The following UTP6 variants were observed in gnomAD, a reference collection of about 807,000 sequenced individuals.
The protein encoded by UTP6 is U3 small nucleolar RNA-associated protein 6 homolog.
UTP6 carries 60 observed loss-of-function variants against 96.5 expected under a neutral mutation model. The ratio of observed to expected loss-of-function variants is 0.62; its 90% CI spans 0.51 to 0.77. The LOEUF is 0.77. Ranked by LOEUF, UTP6 falls within the 30% of genes least tolerant of loss-of-function variation. The probability of loss-of-function intolerance (pLI) is 0.00; values close to 1 mark genes in which losing one functional copy is unlikely to be tolerated. For synonymous variants in UTP6, 215 were observed against 240.1 expected, an observed-to-expected ratio of 0.90 and a Z score of 0.96; for missense variants, 637 against 706.5, an observed-to-expected ratio of 0.90 and a Z score of 1.12.
intron 10 of UTP6, 75 bp downstream of exon 10, chr17:31,884,349 C>A: frequency 8.1e-7 from 1 of 1,229,222 alleles, no homozygotes; most frequent in South Asian, 1.5e-5. Context: ...TTCTCTTCTA[C>A]TAAATATCCA....
At position 31,878,772 on chromosome 17, in the gene UTP6, C is replaced by T. The variant is rs2142302552; in HGVS notation, c.977G>A (p.Trp326Ter). 1 of 1,614,062 alleles carries T rather than the reference C, an allele frequency of 6.2e-7. No individual in the cohort carries two copies. The highest frequency in any genetic ancestry group is 8.5e-7 in the Non-Finnish European group (1 of 1,179,984). The change falls in exon 12 of 19, where the codon TGG (tryptophan) becomes TAG (stop). Residue 326 changes from tryptophan to a stop codon, truncating the protein, a stop_gained. Coordinates refer to ENST00000261708, the MANE Select transcript of UTP6 (RefSeq NM_018428.3). LOFTEE classifies it high-confidence loss of function. ...AVKTLPTEAM[W>*]KCYITFCLER... ...CAAGCAAAAGGTGATGTAACACTTC[C>T]ACATGGCCTCTGGAAAAGTCAGAAA...
intron 13 of UTP6, among the ~76,000 whole-genome samples, chr17:31,877,197 T>A (rs1910547303): frequency 6.6e-6 from 1 of 152,124 alleles, no homozygotes; most frequent in Non-Finnish European, 1.5e-5. Context: ...ATTTGGGACT[T>A]CTACATTAAC....
chr17:31,874,583 T>C (rs1326157106), intron 14 of UTP6, among the ~76,000 whole-genome samples: 2 of 151,646 alleles, frequency 1.3e-5, no homozygotes, highest in East Asian at 2.0e-4. Flanking sequence ...CAGTAGTTTT[T>C]TTCCTACTTT....
chr17:31,884,347 T>C, intron 10 of UTP6, 77 bp downstream of exon 10: 1 of 1,191,856 alleles, frequency 8.4e-7, no homozygotes, highest in Non-Finnish European at 1.2e-6. Flanking sequence ...CTTTCTCTTC[T>C]ACTAAATATC....
At chr17:31,896,615 T>C (rs1395347394) in intron 2 of UTP6, among the ~76,000 whole-genome samples, 6 of 151,910 alleles carry the variant, frequency 3.9e-5, no homozygotes, top group South Asian at 4.1e-4. Flanking sequence ...TTTCACATTA[T>C]TTGTAGTGTC....
rs998505712 is a variant in UTP6 at position 31,875,291 on chromosome 17, T to A, written c.1248A>T (p.Ser416=). The change falls in exon 14 of 19, where the codon TCA becomes TCT. Residue 416 remains serine (S), a synonymous_variant. Coordinates refer to ENST00000261708, the MANE Select transcript of UTP6 (RefSeq NM_018428.3). The stretch of plus-strand genomic sequence containing the variant: ...AAAGCATGGCTATGTCAGGGCTCTT[T>A]GACTCGATCAGCACCTGCAGCTTCA... The part of the protein sequence containing the change: ...WQLKLQVLIE[S]KSPDIAMLFE... 2 of 1,614,168 alleles carry A rather than the reference T, an allele frequency of 1.2e-6. No individual in the cohort carries two copies. The highest frequency in any genetic ancestry group is 1.7e-6 in the Non-Finnish European group (2 of 1,180,040).
chr17:31,894,876 T>G, intron 3 of UTP6, 94 bp downstream of exon 3: 1 of 1,325,246 alleles, frequency 7.5e-7, no homozygotes, highest in Non-Finnish European at 1.1e-6. Context: ...ACCACAGTTT[T>G]ATCAACACTG....
chr17:31,878,452 G>A, intron 12 of UTP6, 125 bp from the exon 13 acceptor site: 1 of 968,944 alleles, frequency 1.0e-6, no homozygotes, highest in Non-Finnish European at 1.6e-6. Flanking sequence ...CTCCTGCATG[G>A]TGGTTTCACT....
intron 7 of UTP6, among the ~76,000 whole-genome samples, chr17:31,888,823 G>A (rs1911298176): frequency 6.6e-6 from 1 of 152,204 alleles, no homozygotes; most frequent in African/African-American, 2.4e-5. Flanking sequence ...TGTAATCCCA[G>A]CACTTTGGGA....
At chr17:31,866,128 A>G (rs1909797591) in intron 17 of UTP6, among the ~76,000 whole-genome samples, 1 of 151,940 alleles carries the variant, frequency 6.6e-6, no homozygotes, top group South Asian at 2.1e-4. Context: ...TCTACTGAAA[A>G]TACAAAAAAT....
chr17:31,877,562 T>C (rs757754841), intron 13 of UTP6, among the ~76,000 whole-genome samples: 2 of 152,200 alleles, frequency 1.3e-5, no homozygotes, highest in Non-Finnish European at 2.9e-5. Flanking sequence ...CCAGGAGCAG[T>C]GGATCATGCC....
At chr17:31,896,870 A>G (rs1000813153) in intron 2 of UTP6, among the ~76,000 whole-genome samples, 3 of 152,024 alleles carry the variant, frequency 2.0e-5, no homozygotes, top group African/African-American at 7.2e-5. Flanking sequence ...TCCTGGGCTC[A>G]AGCGATCTGC....
rs1909640285 is a variant in UTP6, at chr17:31,863,475, G to C, written c.1678C>G (p.Leu560Val). ...TGTCCACAGTTCTCAGGTCTACCAA[G>C]GGGGTGGTTCAATTCTTCTTTCATA... ...DYMKEELNHP[L>V]GRPENCGQIY... The change falls in exon 19 of 19, where the codon CTT becomes GTT. Residue 560 changes from leucine to valine, a missense_variant. Transcript: ENST00000261708. 4 of 1,613,334 alleles carry C rather than the reference G, an allele frequency of 2.5e-6. No individual in the cohort carries two copies. The highest frequency in any genetic ancestry group is 1.3e-5 in the African/African-American group (1 of 74,854).
chr17:31,861,591 G>C lies in UTP6; in HGVS notation c.*1768C>G, dbSNP rs1466912002. ...GATCACACCACTGCACTCTAGCCTAGGTGACAAAGCAAGAACTTGTCCAAT... is the reference window on the plus strand; with the variant it reads ...GATCACACCACTGCACTCTAGCCTACGTGACAAAGCAAGAACTTGTCCAAT... On this transcript the variant is annotated 3_prime_UTR_variant, in exon 19 of 19. Coordinates refer to ENST00000261708, the MANE Select transcript of UTP6 (RefSeq NM_018428.3). The C allele has an allele frequency of 6.6e-6, 1 of 151,848 alleles. No individual in the cohort carries two copies. Among genetic ancestry groups the C allele is most frequent in the Non-Finnish European group, 1.5e-5 (1 of 67,998 alleles). 9.4% of individuals were successfully genotyped at this position (151,848 alleles called of 1,614,324 possible).
chr17:31,880,658 C>T lies in UTP6; in HGVS notation c.882G>A (p.Thr294=), dbSNP rs1224723169. Residue 294 remains threonine, a synonymous_variant, in exon 11 of 19, where the codon ACG becomes ACA. Coordinates refer to ENST00000261708, the MANE Select transcript of UTP6 (RefSeq NM_018428.3). ...CGACCTCCACTGCTTTGGCTTGTTT[C>T]GTTGTAGGCTGCTCTTCTGTCTGTG... ...IESQTEEQPT[T]KQAKAVEVGR... 5.0e-6 allele frequency: 8 copies of T among 1,614,010 alleles called. No individual in the cohort carries two copies. The highest frequency in any genetic ancestry group is 4.4e-5 in the South Asian group (4 of 91,078).
At position 31,873,362 on chromosome 17, in the gene UTP6, G is replaced by A; in HGVS notation, c.1496+16C>T. 1 of 1,612,838 alleles carries A rather than the reference G, an allele frequency of 6.2e-7. No individual in the cohort carries two copies. Among genetic ancestry groups the A allele is most frequent in the Non-Finnish European group, 8.5e-7 (1 of 1,178,990 alleles). ...GGGTAGAGGGACTAGTAACAACTAT[G>A]AACGTCTGTGAGTACCTTTTAAACA... On this transcript the variant is annotated intron_variant, in intron 16 of 18. Coordinates refer to ENST00000261708, the MANE Select transcript of UTP6 (RefSeq NM_018428.3).
intron 2 of UTP6, among the ~76,000 whole-genome samples, chr17:31,898,445 A>C (rs748981092): frequency 4.9e-4 from 75 of 152,034 alleles, no homozygotes; most frequent in Non-Finnish European, 7.1e-4. Context: ...TAACTGCTTG[A>C]ACCCAGGAAG....
At position 31,873,405 on chromosome 17, in the gene UTP6, T is replaced by C; in HGVS notation, c.1469A>G (p.Tyr490Cys). The change falls in exon 16 of 19, where the codon TAC becomes TGC. Residue 490 changes from tyrosine to cysteine, a missense_variant. Physicochemically the swap from Tyr to Cys is radical, Grantham distance 194. Transcript: ENST00000261708. ...TTTAAACACAGCTCTGGCCTTTTTG[T>C]AGCCACCACTTCGATAAGCCCAATC... The part of the protein sequence containing the change: ...YLDWAYRSGG[Y>C]KKARAVFKSL... The C allele has an allele frequency of 3.7e-6, 6 of 1,614,224 alleles. No individual in the cohort carries two copies. Among genetic ancestry groups the C allele is most frequent in the Non-Finnish European group, 4.2e-6 (5 of 1,180,046 alleles).
intron 14 of UTP6, among the ~76,000 whole-genome samples, chr17:31,874,513 T>A (rs1321005452): frequency 1.3e-5 from 2 of 151,654 alleles, no homozygotes; most frequent in African/African-American, 4.8e-5. Flanking sequence ...ACCACTGCAC[T>A]CCAGCCTGGG....
Sources: gnomAD v4.1 joint callset for allele counts (sites outside exome capture counted in the v4.1 genomes callset) on GRCh38, gnomAD v4.1.1 for gene constraint, MANE v1.5 for transcripts, NCBI Gene and HGNC (gene_info 2026-07-23, HGNC 2026-07-21) for gene names.